ATP2A3: variants seen among roughly 807,000 people sequenced by gnomAD.
ATP2A3 encodes the protein sarcoplasmic/endoplasmic reticulum calcium ATPase 3.
Under a neutral mutation model 106.8 loss-of-function variants are expected in ATP2A3, and 61 were observed. The ratio of observed to expected loss-of-function variants is 0.57; its 90% CI spans 0.46 to 0.71. The LOEUF is 0.71. ATP2A3 is among the 30% of genes least tolerant of loss of function. The probability of loss-of-function intolerance (pLI) is 0.00; values close to 1 mark genes in which losing one functional copy is unlikely to be tolerated. For missense variants in ATP2A3, 1,201 were observed against 1,423.5 expected (o/e 0.84, Z 2.52); for synonymous variants, 611 against 609.3 (o/e 1.00, Z -0.04).
chr17:3,929,270 C>T lies in ATP2A3; in HGVS notation c.2862+58G>A, dbSNP rs2052903018. 6 of 1,449,838 alleles carry T rather than the reference C, an allele frequency of 4.1e-6. No homozygotes were observed. The highest frequency in any genetic ancestry group is 1.4e-5 in the African/African-American group (1 of 70,928). 89.8% of individuals were successfully genotyped at this position (1,449,838 alleles called of 1,614,324 possible). On this transcript the variant is annotated intron_variant, in intron 19 of 20. Coordinates refer to ENST00000397041, the MANE Select transcript of ATP2A3 (RefSeq NM_005173.4). The surrounding 1 kb of genome is among the most constrained non-coding windows in gnomAD (Gnocchi z 4.3). Reference sequence around the variant, plus strand: ...AGGGGGGCCAGAGAGGTCCAGTGACCAGCCCAGGGCCTGTGATGTCCAGGG... The same window carrying T: ...AGGGGGGCCAGAGAGGTCCAGTGACTAGCCCAGGGCCTGTGATGTCCAGGG...
At chr17:3,956,377 G>A (rs967876092) in intron 1 of ATP2A3, among the ~76,000 whole-genome samples, 11 of 152,066 alleles carry the variant, frequency 7.2e-5, no homozygotes, top group Non-Finnish European at 1.5e-4. Flanking sequence ...ATGTGTATTC[G>A]TGCCAGGTTG....
intron 1 of ATP2A3, among the ~76,000 whole-genome samples, chr17:3,961,128 C>T (rs1463547382): frequency 6.6e-6 from 1 of 152,208 alleles, no homozygotes; most frequent in Non-Finnish European, 1.5e-5. Flanking sequence ...AAGATCACAG[C>T]TCCAGATGTG....
Position 3,953,514 on chromosome 17 carries a change from G to A in ATP2A3, c.137-85C>T. 6.5e-7 allele frequency: 1 copy of A among 1,536,732 alleles called. No individual in the cohort carries two copies. Among genetic ancestry groups the A allele is most frequent in the Non-Finnish European group, 9.0e-7 (1 of 1,113,676 alleles). Reference sequence around the variant, plus strand: ...CTGGGATGGCCCGGGAGACCTCCCGGCCCATTCCCTCCCTGCACTCAGAAG... The same window carrying A: ...CTGGGATGGCCCGGGAGACCTCCCGACCCATTCCCTCCCTGCACTCAGAAG... On this transcript the variant is annotated intron_variant, in intron 2 of 20. Transcript: ENST00000397041. The surrounding 1 kb of genome is among the most constrained non-coding windows in gnomAD (Gnocchi z 5.1).
In ATP2A3 at chr17:3,953,303, A is replaced by G; in HGVS notation, c.219+44T>C. The G allele has an allele frequency of 6.3e-7, 1 of 1,599,938 alleles. No individual in the cohort carries two copies. Among genetic ancestry groups the G allele is most frequent in the Non-Finnish European group, 8.6e-7 (1 of 1,167,560 alleles). On this transcript the variant is annotated intron_variant, in intron 3 of 20. Transcript: ENST00000397041. This position sits in a 1 kb window ranked among gnomAD's most constrained non-coding sequence, Gnocchi z 5.1. ...CACTGCCCAGCCTGGCTCTCCCTCC[A>G]GGGCTACCGACTACCACAGGATGGC...
intron 17 of ATP2A3, among the ~76,000 whole-genome samples, chr17:3,934,285 G>A (rs1333243819): frequency 6.6e-6 from 1 of 151,934 alleles, no homozygotes; most frequent in African/African-American, 2.4e-5. Flanking sequence ...GTGCAGTGGT[G>A]TGATCACGGC....
At chr17:3,952,520 G>A (rs975262395) in intron 3 of ATP2A3, among the ~76,000 whole-genome samples, 1 of 152,198 alleles carries the variant, frequency 6.6e-6, no homozygotes, top group Non-Finnish European at 1.5e-5. Flanking sequence ...TGGGATCCAC[G>A]GAAGGGGCTC....
intron 17 of ATP2A3, among the ~76,000 whole-genome samples, chr17:3,933,019 C>T (rs777457942): frequency 6.6e-6 from 1 of 151,802 alleles, no homozygotes; most frequent in Non-Finnish European, 1.5e-5. Flanking sequence ...CGGTGGCTCA[C>T]GCCTGTATTC....
At chr17:3,927,842 T>C (rs1314208397) in intron 20 of ATP2A3, 2 of 1,540,688 alleles carry the variant, frequency 1.3e-6, no homozygotes, top group Non-Finnish European at 1.7e-6. Context: ...TGGGGCACAT[T>C]CCTGCCAGAG....
intron 1 of ATP2A3, among the ~76,000 whole-genome samples, chr17:3,957,151 A>G (rs2054830673): frequency 6.6e-6 from 1 of 152,234 alleles, no homozygotes; most frequent in African/African-American, 2.4e-5. Flanking sequence ...TGTGCGCCAG[A>G]CACCCTGCTA....
chr17:3,953,529 G>A lies in ATP2A3; in HGVS notation c.137-100C>T. 3 of 1,496,066 alleles carry A rather than the reference G, an allele frequency of 2.0e-6. No individual in the cohort carries two copies. Among genetic ancestry groups the A allele is most frequent in the East Asian group, 2.3e-5 (1 of 42,700 alleles). 92.7% of individuals were successfully genotyped at this position (1,496,066 alleles called of 1,614,324 possible). A position where few individuals can be genotyped will look rare whatever the true frequency, so the allele number is the denominator to read the frequency against. ...AGACCTCCCGGCCCATTCCCTCCCT[G>A]CACTCAGAAGAGGGAGAACCCAGGT... On this transcript the variant is annotated intron_variant, in intron 2 of 20. Transcript: ENST00000397041. This position sits in a 1 kb window ranked among gnomAD's most constrained non-coding sequence, Gnocchi z 5.1.
chr17:3,947,173 C>G lies in ATP2A3; in HGVS notation c.1095+218G>C, dbSNP rs2054160961. 6.6e-6 allele frequency among the ~76,000 whole-genome samples: 1 copy of G among 152,212 alleles called. No homozygotes were observed. Among genetic ancestry groups the G allele is most frequent in the Admixed American group, 6.5e-5 (1 of 15,278 alleles). Reference sequence around the variant, plus strand: ...ACTGTCAGCAACCTGGCCAGGGCCCCACAGTGACACACAGGCCTCAGTGAC... The same window carrying G: ...ACTGTCAGCAACCTGGCCAGGGCCCGACAGTGACACACAGGCCTCAGTGAC... On this transcript the variant is annotated intron_variant, in intron 8 of 20. Coordinates refer to ENST00000397041, the MANE Select transcript of ATP2A3 (RefSeq NM_005173.4). The surrounding 1 kb of genome is among the most constrained non-coding windows in gnomAD (Gnocchi z 7.7).
At chr17:3,949,758 C>T (rs2054309178) in intron 7 of ATP2A3, among the ~76,000 whole-genome samples, 1 of 152,196 alleles carries the variant, frequency 6.6e-6, no homozygotes, top group African/African-American at 2.4e-5. Context: ...GAGCTTAGAA[C>T]AGTGCCAGGC....
chr17:3,943,285 AAC>A (rs1372897187), intron 11 of ATP2A3, 104 bp downstream of exon 11: 35 of 1,496,678 alleles, frequency 2.3e-5, no homozygotes, highest in South Asian at 3.6e-5. Context: ...AAAAAAAAAA[AAC>A]AAAACGAAAC....
intron 17 of ATP2A3, among the ~76,000 whole-genome samples, chr17:3,932,944 C>T (rs944306517): frequency 3.3e-5 from 5 of 151,768 alleles, no homozygotes; most frequent in South Asian, 2.1e-4. Context: ...ATGCTTAAGA[C>T]GCTTATGCGT....
intron 1 of ATP2A3, among the ~76,000 whole-genome samples, chr17:3,958,983 C>T (rs1420342360): frequency 6.6e-6 from 1 of 151,310 alleles, no homozygotes; most frequent in Non-Finnish European, 1.5e-5. Context: ...CCTCTGCCTC[C>T]TGGGTTCAAG....
At chr17:3,950,420 T>C (rs1027776103) in intron 7 of ATP2A3, 91 bp downstream of exon 7, 15 of 1,425,894 alleles carry the variant, frequency 1.1e-5, no homozygotes, top group African/African-American at 1.4e-5. Context: ...CACCTCAGCC[T>C]CCCAAAGTGC....
chr17:3,937,630 C>T lies in ATP2A3; in HGVS notation c.2107G>A (p.Asp703Asn), dbSNP rs2053526351. The T allele has an allele frequency of 6.2e-7, 1 of 1,613,744 alleles. No individual in the cohort carries two copies. Among genetic ancestry groups the T allele is most frequent in the Non-Finnish European group, 8.5e-7 (1 of 1,179,908 alleles). Residue 703 changes from aspartate to asparagine, a missense_variant, in exon 15 of 21, where the codon GAT becomes AAT. Physicochemically the swap from Asp to Asn is conservative, Grantham distance 23 (BLOSUM62 1). This residue lies in a region of ATP2A3 where 935 missense variants were observed against 1,176.7 expected (regional missense o/e 0.79). Coordinates refer to ENST00000397041, the MANE Select transcript of ATP2A3 (RefSeq NM_005173.4). ...SFNEITAMTG[D>N]GVNDAPALKK... ...AGGGCTGGTGCGTCGTTCACTCCAT[C>T]GCCAGTCTGTGGGCCAGGTCAGGTA...
intron 16 of ATP2A3, among the ~76,000 whole-genome samples, chr17:3,935,561 G>A (rs151272629): frequency 0.019 from 2,422 of 130,420 alleles, 76 homozygotes; most frequent in African/African-American, 0.067. Context: ...TTTTTGAGAC[G>A]GAGTCTCACT....
At chr17:3,959,923 C>T (rs766926108) in intron 1 of ATP2A3, among the ~76,000 whole-genome samples, 41 of 152,334 alleles carry the variant, frequency 2.7e-4, no homozygotes, top group Non-Finnish European at 2.8e-4. Context: ...AAATACAGGC[C>T]CTGCCTTAGG....
Sources: allele counts gnomAD v4.1 joint callset (sites outside exome capture counted in the v4.1 genomes callset), GRCh38; gene constraint gnomAD v4.1.1; regional missense constraint gnomAD v4.1.1; non-coding constraint Gnocchi (gnomAD v3.1); transcripts MANE v1.5; gene names NCBI Gene and HGNC (gene_info 2026-07-23, HGNC 2026-07-21).